DMD: variants seen among roughly 807,000 people sequenced by gnomAD.
The protein encoded by DMD is dystrophin, also known as mutant dystrophin.
In DMD, 63 loss-of-function variants were observed where a neutral mutation model predicts 330.1. The observed-to-expected ratio is 0.19, with a 90% confidence interval of 0.16 to 0.24. The LOEUF (loss-of-function observed/expected upper bound fraction) is 0.24, where lower values mean the gene tolerates loss of function less well. Ranked by LOEUF, DMD falls within the 10% of genes least tolerant of loss-of-function variation. The probability of loss-of-function intolerance (pLI) is 1.00; values close to 1 mark genes in which losing one functional copy is unlikely to be tolerated. For missense variants in DMD, 3,344 were observed against 2,684.1 expected, an observed-to-expected ratio of 1.25 and a Z score of -5.43; for synonymous variants, 1,223 against 959.8, an observed-to-expected ratio of 1.27 and a Z score of -5.07.
chrX:31,258,716 T>G (rs2050211893), intron 63 of DMD, among the ~76,000 whole-genome samples: 3 of 112,047 alleles, frequency 2.7e-5, no homozygotes, highest in Admixed American at 1.9e-4. Flanking sequence ...CATGAGAGAT[T>G]ATCAGTTTTG....
At chrX:31,648,240 G>T (rs2080216720) in intron 54 of DMD, among the ~76,000 whole-genome samples, 1 of 111,290 alleles carries the variant, frequency 9.0e-6, no homozygotes, top group South Asian at 3.7e-4. Context: ...GTAAATTTTT[G>T]ATAGTTTCTA....
intron 49 of DMD, among the ~76,000 whole-genome samples, chrX:31,835,101 C>T (rs1186708526): frequency 9.0e-6 from 1 of 111,710 alleles, no homozygotes; most frequent in Non-Finnish European, 1.9e-5. Context: ...GATAAGTTAG[C>T]ATCAAGCATT....
intron 44 of DMD, among the ~76,000 whole-genome samples, chrX:32,089,425 T>G (rs993634958): frequency 9.0e-6 from 1 of 111,638 alleles, no homozygotes; most frequent in South Asian, 3.7e-4. Flanking sequence ...TTTCCTGATC[T>G]TCTCCCTCCA....
chrX:31,704,214 G>A (rs2084015174), intron 52 of DMD, among the ~76,000 whole-genome samples: 1 of 111,080 alleles, frequency 9.0e-6, no homozygotes, highest in South Asian at 3.8e-4. Context: ...ATTAGTATAG[G>A]AACTCTTACA....
intron 2 of DMD, among the ~76,000 whole-genome samples, chrX:32,925,097 G>A (rs2088843558): frequency 1.0e-5 from 1 of 95,411 alleles, no homozygotes; most frequent in Non-Finnish European, 2.1e-5. Context: ...GATTTTCAAT[G>A]TCATAGTATT....
At chrX:33,223,882 A>T (rs2148876211) in intron 1 of DMD, among the ~76,000 whole-genome samples, 1 of 112,659 alleles carries the variant, frequency 8.9e-6, no homozygotes, top group Admixed American at 9.4e-5. Context: ...AAAAATCAAC[A>T]ATAAGAAAAC....
intron 54 of DMD, among the ~76,000 whole-genome samples, chrX:31,633,303 T>G (rs932838376): frequency 8.9e-6 from 1 of 111,956 alleles, no homozygotes; most frequent in Non-Finnish European, 1.9e-5. Context: ...ACCTTCTTTT[T>G]CTATGTATAC....
chrX:31,139,826 A>G (rs1406495081), intron 76 of DMD, among the ~76,000 whole-genome samples: 1 of 111,599 alleles, frequency 9.0e-6, no homozygotes, highest in Non-Finnish European at 1.9e-5. Flanking sequence ...ATGTAACCAA[A>G]CACCACCTGG....
chrX:31,556,645 A>C lies in DMD; in HGVS notation c.8218-49192T>G, dbSNP rs183071226. ...AGAAATGTTGAATTAAAAAAACCCA[A>C]GCATCATATTCTGATGACACTTGCT... On this transcript the variant is annotated intron_variant, in intron 55 of 78. Coordinates refer to ENST00000357033, the MANE Select transcript of DMD (RefSeq NM_004006.3). 9.0e-5 allele frequency among the ~76,000 whole-genome samples: 10 copies of C among 111,204 alleles called. No individual in the cohort carries two copies. In the East Asian group the frequency reaches 2.5e-3, roughly 28 times the overall value.
intron 47 of DMD, among the ~76,000 whole-genome samples, chrX:31,887,294 T>C (rs1715539630): frequency 1.8e-5 from 2 of 112,217 alleles, no homozygotes; most frequent in African/African-American, 6.5e-5. Flanking sequence ...TAGAGCCCTA[T>C]TTTCCTTGCC....
intron 2 of DMD, among the ~76,000 whole-genome samples, chrX:32,854,571 C>CAA (rs1201969423): frequency 0.014 from 833 of 61,593 alleles, 7 homozygotes; most frequent in East Asian, 0.054. Context: ...GCACTTGTAT[C>CAA]AAAAAAAAAA....
intron 9 of DMD, among the ~76,000 whole-genome samples, chrX:32,657,186 A>G (rs1195158062): frequency 9.0e-6 from 1 of 110,853 alleles, no homozygotes; most frequent in Admixed American, 9.8e-5. Context: ...ACACAATAGA[A>G]CCTTTCTCAT....
rs763422129 is a variant in DMD at position 32,614,443 on chromosome X, C to A, written c.1342G>T (p.Val448Phe). Residue 448 changes from valine to phenylalanine, a missense_variant, in exon 12 of 79, where the codon GTT (valine) becomes TTT (phenylalanine). Transcript: ENST00000357033. ...TTCTGATTCTGGAGATCCATTAAAA[C>A]TCTATGTAAACTGAAAATTTGAAAG... is the stretch of plus-strand genomic sequence containing the variant. ...SMEKQSNLHR[V>F]LMDLQNQKLK... 8.3e-7 allele frequency: 1 copy of A among 1,205,760 alleles called. No homozygotes were observed. The highest frequency in any genetic ancestry group is 1.8e-5 in the South Asian group (1 of 56,728).
chrX:31,993,177 G>T (rs974592447), intron 44 of DMD, among the ~76,000 whole-genome samples: 1 of 111,280 alleles, frequency 9.0e-6, no homozygotes, highest in African/African-American at 3.3e-5. Flanking sequence ...TAAATGTGTC[G>T]TAGAGGTAGA....
At chrX:32,816,862 A>G (rs1664715680) in intron 5 of DMD, among the ~76,000 whole-genome samples, 1 of 111,728 alleles carries the variant, frequency 9.0e-6, no homozygotes, top group Non-Finnish European at 1.9e-5. Flanking sequence ...GAATGTGTTC[A>G]CTATTACTCC....
At chrX:31,505,631 T>G in intron 56 of DMD, among the ~76,000 whole-genome samples, 1 of 110,871 alleles carries the variant, frequency 9.0e-6, no homozygotes, top group Middle Eastern at 4.6e-3. Context: ...CTTTTTCTTT[T>G]ACTTTTTTCT....
At chrX:32,116,287 A>G (rs140409639) in intron 44 of DMD, among the ~76,000 whole-genome samples, 387 of 111,878 alleles carry the variant, frequency 3.5e-3, no homozygotes, top group African/African-American at 0.012. Context: ...AATCCACCCA[A>G]TCTAAACAAG....
At chrX:33,196,588 A>G (rs780789901) in intron 1 of DMD, among the ~76,000 whole-genome samples, 30 of 112,220 alleles carry the variant, frequency 2.7e-4, no homozygotes, top group African/African-American at 8.7e-4. Flanking sequence ...CCAAATGTAC[A>G]TTTATCTTTT....
chrX:33,054,239 T>C lies in DMD; in HGVS notation c.32-34039A>G, dbSNP rs1032123272. Among the ~76,000 whole-genome samples, 6 of 112,086 alleles carry C rather than the reference T, an allele frequency of 5.4e-5. 1 individual carries two copies. The highest frequency in any genetic ancestry group is 1.9e-4 in the African/African-American group (6 of 30,796). On this transcript the variant is annotated intron_variant, in intron 1 of 78. Coordinates refer to ENST00000357033, the MANE Select transcript of DMD (RefSeq NM_004006.3). ...ATATTTCAAACGTGCAAAATATGTT[T>C]GGCAGGGGTTTATTACGAATGTTTC...
Sources: allele counts gnomAD v4.1 joint callset (sites outside exome capture counted in the v4.1 genomes callset), GRCh38; gene constraint gnomAD v4.1.1; transcripts MANE v1.5; gene names NCBI Gene and HGNC (gene_info 2026-07-23, HGNC 2026-07-21).